The following HCN1 variants were observed in gnomAD, a reference collection of about 807,000 sequenced individuals.
The protein encoded by HCN1 is potassium/sodium hyperpolarization-activated cyclic nucleotide-gated channel 1.
A neutral mutation model predicts 78.9 loss-of-function variants in HCN1; 13 were observed. The observed-to-expected ratio is 0.16, with a 90% confidence interval of 0.11 to 0.26. HCN1 has a LOEUF of 0.26. Among genes scored for constraint, HCN1 ranks in the 10% least tolerant of loss-of-function variants. The probability of loss-of-function intolerance (pLI) is 1.00; values close to 1 mark genes in which losing one functional copy is unlikely to be tolerated. For synonymous variants in HCN1, 552 were observed against 455.5 expected, an observed-to-expected ratio of 1.21 and a Z score of -2.70; for missense variants, 810 against 1,154.3, an observed-to-expected ratio of 0.70 and a Z score of 4.32.
chr5:45,653,374 A>G (rs973933607), intron 1 of HCN1, among the ~76,000 whole-genome samples: 17 of 152,124 alleles, frequency 1.1e-4, no homozygotes, highest in African/African-American at 4.1e-4. Context: ...ACTACTGAAC[A>G]GTGAATACTC....
rs534023104 is a variant in HCN1, at chr5:45,276,170, GTTAT to G, written c.1619-8921_1619-8918del. On this transcript the variant is annotated intron_variant, in intron 6 of 7. Transcript: ENST00000303230. ...AGGCAAGTCTACTACAGCCTAAAAG[GTTAT>G]TTGTCTCCAAAATATTTCCCTTGAT... is the stretch of plus-strand genomic sequence containing the variant. Among the ~76,000 whole-genome samples, 1,034 of 152,084 alleles carry G rather than the reference GTTAT, an allele frequency of 6.8e-3. 7 individuals are homozygous for G. Among genetic ancestry groups the G allele is most frequent in the African/African-American group, 0.024 (995 of 41,518 alleles).
At chr5:45,500,089 T>C (rs969857105) in intron 2 of HCN1, among the ~76,000 whole-genome samples, 2 of 152,144 alleles carry the variant, frequency 1.3e-5, no homozygotes, top group Non-Finnish European at 1.5e-5. Context: ...GTTATGCTTA[T>C]TGGGAAAATT....
At chr5:45,379,259 T>G (rs1747755411) in intron 4 of HCN1, among the ~76,000 whole-genome samples, 1 of 152,152 alleles carries the variant, frequency 6.6e-6, no homozygotes, top group Admixed American at 6.6e-5. Context: ...GTGTTCCTAT[T>G]TCTCCACATC....
intron 1 of HCN1, among the ~76,000 whole-genome samples, chr5:45,646,895 AT>A (rs1745559310): frequency 1.3e-5 from 2 of 152,190 alleles, no homozygotes; most frequent in Non-Finnish European, 1.5e-5. Context: ...TGTATAAACA[AT>A]ATAAACTTCC....
chr5:45,405,024 T>A (rs901981565), intron 3 of HCN1, among the ~76,000 whole-genome samples: 1 of 152,098 alleles, frequency 6.6e-6, no homozygotes, highest in Admixed American at 6.6e-5. Context: ...ACAAACCAAC[T>A]GCTAAAATAT....
intron 2 of HCN1, among the ~76,000 whole-genome samples, chr5:45,596,909 T>C (rs1052968303): frequency 6.6e-6 from 1 of 152,136 alleles, no homozygotes; most frequent in Non-Finnish European, 1.5e-5. Flanking sequence ...AGAATAGGTG[T>C]TTAATATTTC....
intron 2 of HCN1, among the ~76,000 whole-genome samples, chr5:45,549,905 C>T (rs1743327257): frequency 6.6e-6 from 1 of 152,280 alleles, no homozygotes; most frequent in South Asian, 2.1e-4. Flanking sequence ...AAATGCTCAT[C>T]ATCACTGGCC....
chr5:45,340,938 A>T (rs562110671), intron 5 of HCN1, among the ~76,000 whole-genome samples: 1 of 152,206 alleles, frequency 6.6e-6, no homozygotes, highest in East Asian at 1.9e-4. Context: ...TAAACTGCTA[A>T]TTCATTTGGG....
At chr5:45,574,028 G>T (rs1407336994) in intron 2 of HCN1, among the ~76,000 whole-genome samples, 2 of 152,006 alleles carry the variant, frequency 1.3e-5, no homozygotes, top group African/African-American at 4.8e-5. Flanking sequence ...ATCATAAAAT[G>T]TAATGTGCCC....
At chr5:45,270,655 GA>G (rs1296585583) in intron 6 of HCN1, among the ~76,000 whole-genome samples, 1 of 152,116 alleles carries the variant, frequency 6.6e-6, no homozygotes, top group East Asian at 1.9e-4. Context: ...GGTCTCTGTA[GA>G]GGGATGAGAT....
intron 1 of HCN1, among the ~76,000 whole-genome samples, chr5:45,686,455 C>A (rs1739811090): frequency 1.3e-5 from 2 of 152,156 alleles, no homozygotes; most frequent in Admixed American, 1.3e-4. Flanking sequence ...TCTGACATCA[C>A]CCAAACCACA....
At chr5:45,570,550 G>A (rs917390803) in intron 2 of HCN1, among the ~76,000 whole-genome samples, 3 of 152,098 alleles carry the variant, frequency 2.0e-5, no homozygotes, top group Non-Finnish European at 2.9e-5. Context: ...CACAGAGGAC[G>A]CAGAATCGGG....
intron 6 of HCN1, among the ~76,000 whole-genome samples, chr5:45,274,005 T>G (rs1488743392): frequency 6.6e-6 from 1 of 152,128 alleles, no homozygotes; most frequent in Non-Finnish European, 1.5e-5. Context: ...TAGGTGCAAA[T>G]TTTTTAGTAT....
At chr5:45,613,456 T>A (rs377439055) in intron 2 of HCN1, among the ~76,000 whole-genome samples, 449 of 152,048 alleles carry the variant, frequency 3.0e-3, no homozygotes, top group Middle Eastern at 0.014. Flanking sequence ...TTAAAAAGTC[T>A]GGAAACAACA....
chr5:45,323,061 C>T (rs921405103), intron 5 of HCN1, among the ~76,000 whole-genome samples: 3 of 151,638 alleles, frequency 2.0e-5, no homozygotes, highest in Admixed American at 6.6e-5. Flanking sequence ...GATACAGTTC[C>T]GTTTTTAGAA....
rs930040244 is a variant in HCN1, at chr5:45,255,359, C to T, written c.*6562G>A. On this transcript the variant is annotated 3_prime_UTR_variant, in exon 8 of 8. Coordinates refer to ENST00000303230, the MANE Select transcript of HCN1 (RefSeq NM_021072.4). ...CCCTTAAAAAGCCCTTAAAATTTAC[C>T]TCCTCTAGGACTTACTAGTTCCAAT... 1 of 152,166 alleles carries T rather than the reference C, an allele frequency of 6.6e-6. No individual in the cohort carries two copies. 9.4% of individuals were successfully genotyped at this position (152,166 alleles called of 1,614,324 possible).
chr5:45,550,498 G>T (rs559376595), intron 2 of HCN1, among the ~76,000 whole-genome samples: 54 of 152,212 alleles, frequency 3.5e-4, no homozygotes, highest in African/African-American at 1.3e-3. Context: ...GCCTATTGTG[G>T]GGTTGGGGCA....
At chr5:45,421,448 C>T (rs1204080298) in intron 3 of HCN1, among the ~76,000 whole-genome samples, 1 of 151,984 alleles carries the variant, frequency 6.6e-6, no homozygotes, top group Non-Finnish European at 1.5e-5. Context: ...GAGTCAACTA[C>T]AGCAATAAGC....
At chr5:45,497,948 G>A (rs1389888580) in intron 2 of HCN1, among the ~76,000 whole-genome samples, 3 of 152,178 alleles carry the variant, frequency 2.0e-5, no homozygotes, top group Admixed American at 6.5e-5. Flanking sequence ...TTTCTGCCGA[G>A]AGATCCGCTG....
Sources: allele counts gnomAD v4.1 joint callset (sites outside exome capture counted in the v4.1 genomes callset), GRCh38; gene constraint gnomAD v4.1.1; transcripts MANE v1.5; gene names NCBI Gene and HGNC (gene_info 2026-07-23, HGNC 2026-07-21).